OR10D3: variants seen among roughly 807,000 people sequenced by gnomAD.
OR10D3 encodes the protein olfactory receptor 10D3.
For missense variants in OR10D3, 286 were observed against 153.7 expected, an observed-to-expected ratio of 1.86 and a Z score of -4.55; for synonymous variants, 100 against 57.6, an observed-to-expected ratio of 1.74 and a Z score of -3.33.
At chr11:124,184,739 C>A (rs193063157) in intron 1 of OR10D3, among the ~76,000 whole-genome samples, 1 of 152,178 alleles carries the variant, frequency 6.6e-6, no homozygotes. Flanking sequence ...ATTAGATGAA[C>A]GGAGATCATG....
chr11:124,185,661 G>A (rs535523802), exon 2 of OR10D3: 26 of 703,612 alleles, frequency 3.7e-5, no homozygotes, highest in African/African-American at 1.7e-4. Flanking sequence ...TATCCTCTGC[G>A]ATACACAGTC....
exon 2 of OR10D3, chr11:124,186,318 G>A (rs1861225772): frequency 1.6e-6 from 1 of 608,576 alleles, no homozygotes; most frequent in African/African-American, 1.9e-5. Flanking sequence ...TCAGCACTGT[G>A]CTGAATGATA....
intron 1 of OR10D3, among the ~76,000 whole-genome samples, chr11:124,184,576 CG>C (rs796872474): frequency 7.0e-4 from 106 of 152,020 alleles, no homozygotes; most frequent in African/African-American, 2.5e-3. Context: ...CATCCAGACC[CG>C]GGGGAAAGAC....
At chr11:124,185,290 C>T (rs1035438214) in exon 2 of OR10D3, 1 of 703,014 alleles carries the variant, frequency 1.4e-6, no homozygotes, top group East Asian at 2.7e-5. Flanking sequence ...AGAACTGCTG[C>T]ATGGTGACAG....
chr11:124,187,032 T>C (rs1167636094), exon 2 of OR10D3: 1 of 152,244 alleles, frequency 6.6e-6, no homozygotes, highest in Admixed American at 6.5e-5. Flanking sequence ...GAGAACTTTC[T>C]GTTTAGTTAT....
At position 124,184,935 on chromosome 11, in the gene OR10D3, C is replaced by G. The variant is rs191627609; in HGVS notation, c.-11-324C>G. Among the ~76,000 whole-genome samples the G allele has an allele frequency of 4.6e-5, 7 of 152,130 alleles. No homozygotes were observed. The East Asian group carries it at 1.2e-3, about 25-fold the overall frequency. Reference sequence around the variant, plus strand: ...ATCCTGACATTTCACATCCTTCTACCCCGGGAGGAGGAGCATGTGTTTGGA... The same window carrying G: ...ATCCTGACATTTCACATCCTTCTACGCCGGGAGGAGGAGCATGTGTTTGGA... On this transcript the variant is annotated intron_variant, in intron 1 of 1. Coordinates refer to ENST00000641351, the Ensembl canonical transcript of OR10D3.
rs61743734 is a variant in OR10D3 at position 124,185,743 on chromosome 11, C to G, written c.474C>G (p.Ile158Met). The change falls in exon 2 of 2, where the codon ATC (isoleucine) becomes ATG (methionine). Residue 158 changes from isoleucine to methionine, a missense_variant. Transcript: ENST00000641351. Reference sequence around the variant, plus strand: ...TGTTAGGGTGCATTCATTCCAGTATCTTGACCTCCCTCACCTTCACCTTGC... The same window carrying G: ...TGTTAGGGTGCATTCATTCCAGTATGTTGACCTCCCTCACCTTCACCTTGC... The G allele has an allele frequency of 3.3e-3, 2,347 of 703,630 alleles. 41 individuals are homozygous for G. Among genetic ancestry groups the G allele is most frequent in the African/African-American group, 0.031 (1,762 of 57,338 alleles). 43.6% of individuals were successfully genotyped at this position (703,630 alleles called of 1,614,324 possible).
chr11:124,186,008 G>C, exon 2 of OR10D3: 1 of 703,420 alleles, frequency 1.4e-6, no homozygotes, highest in Non-Finnish European at 2.6e-6. Context: ...TCACCTCATT[G>C]CCATCCTCTG....
chr11:124,185,306 A>T (rs977921616), exon 2 of OR10D3: 6 of 703,422 alleles, frequency 8.5e-6, no homozygotes, highest in Admixed American at 2.0e-5. Context: ...GACAGAGTTC[A>T]TCCTTTTGGG....
At chr11:124,183,520 T>TTCCG (rs1861187046) in intron 1 of OR10D3, 137 bp downstream of exon 1, 1 of 133,896 alleles carries the variant, frequency 7.5e-6, no homozygotes, top group African/African-American at 2.9e-5. Flanking sequence ...CCTTCCTTCC[T>TTCCG]TCCCTCCCTC....
At chr11:124,185,775 G>A (rs1311000374) in exon 2 of OR10D3, 1 of 703,620 alleles carries the variant, frequency 1.4e-6, no homozygotes, top group South Asian at 1.5e-5. Flanking sequence ...TTGCCATACT[G>A]TGGTCCCAAT....
At chr11:124,186,310 A>C (rs1288855320) in exon 2 of OR10D3, 1 of 612,494 alleles carries the variant, frequency 1.6e-6, no homozygotes, top group African/African-American at 1.8e-5. Flanking sequence ...TGGAATTTTC[A>C]GCACTGTGCT....
At chr11:124,185,821 G>C (rs920753334) in exon 2 of OR10D3, 1 of 703,550 alleles carries the variant, frequency 1.4e-6, no homozygotes, top group African/African-American at 1.7e-5. Flanking sequence ...TTCCAGCACT[G>C]TTGCCCTTGG....
At chr11:124,185,460 G>A (rs905323549) in exon 2 of OR10D3, 3 of 703,072 alleles carry the variant, frequency 4.3e-6, no homozygotes, top group Middle Eastern at 2.3e-4. Flanking sequence ...TTCTTCCTGG[G>A]AAACTTGTCT....
chr11:124,186,226 G>A (rs1456064839), exon 2 of OR10D3: 1 of 665,164 alleles, frequency 1.5e-6, no homozygotes. Context: ...AGATAAATGG[G>A]TGCATGGCTC....
exon 2 of OR10D3, chr11:124,186,907 G>GT (rs768170904): frequency 6.6e-5 from 10 of 152,196 alleles, no homozygotes; most frequent in Non-Finnish European, 1.3e-4. Context: ...TAACAATTTA[G>GT]TAGCTTTATC....
exon 2 of OR10D3, chr11:124,185,955 G>C (rs937728907): frequency 1.4e-6 from 1 of 703,110 alleles, no homozygotes; most frequent in South Asian, 1.5e-5. Context: ...TTAAGCATTC[G>C]TACAACTGAG....
chr11:124,185,522 C>A, exon 2 of OR10D3: 1 of 703,370 alleles, frequency 1.4e-6, no homozygotes, highest in Non-Finnish European at 2.6e-6. Flanking sequence ...GCTGCTCTAC[C>A]TTATGGGGCT....
exon 2 of OR10D3, chr11:124,185,876 G>A (rs756310890): frequency 2.3e-5 from 16 of 703,194 alleles, no homozygotes; most frequent in African/African-American, 1.2e-4. Context: ...CTTCACCAAC[G>A]TTGGCCTCAT....
Sources: gnomAD v4.1 joint callset for allele counts (sites outside exome capture counted in the v4.1 genomes callset) on GRCh38, gnomAD v4.1.1 for gene constraint, MANE v1.5 for transcripts, NCBI Gene and HGNC (gene_info 2026-07-23, HGNC 2026-07-21) for gene names.